ATXN1: variants seen among roughly 807,000 people sequenced by gnomAD.
ATXN1 encodes the protein ataxin 1, also known as ataxin-1.
Under a neutral mutation model 56.4 loss-of-function variants are expected in ATXN1, and 8 were observed. The ratio of observed to expected loss-of-function variants is 0.14; its 90% CI spans 0.08 to 0.26. The LOEUF is 0.26. ATXN1 is among the 10% of genes least tolerant of loss of function. ATXN1 has a pLI of 1.00. For synonymous variants in ATXN1, 514 were observed against 494.6 expected, an observed-to-expected ratio of 1.04 and a Z score of -0.52; for missense variants, 987 against 1,106.5, an observed-to-expected ratio of 0.89 and a Z score of 1.53.
intron 4 of ATXN1, among the ~76,000 whole-genome samples, chr6:16,580,424 C>T (rs1039738247): frequency 1.3e-5 from 2 of 152,100 alleles, no homozygotes; most frequent in African/African-American, 4.8e-5. Flanking sequence ...GAGTTTTGCC[C>T]GCACTTTGAG....
At chr6:16,586,486 A>G (rs1012098981) in intron 3 of ATXN1, among the ~76,000 whole-genome samples, 1 of 152,152 alleles carries the variant, frequency 6.6e-6, no homozygotes, top group Non-Finnish European at 1.5e-5. Flanking sequence ...AACATTTACT[A>G]TGTTCTGGGC....
chr6:16,365,110 G>A (rs991802081), intron 6 of ATXN1, among the ~76,000 whole-genome samples: 3 of 152,080 alleles, frequency 2.0e-5, no homozygotes, highest in African/African-American at 7.2e-5. Context: ...TGCACAATGT[G>A]CACGTTTGTT....
intron 4 of ATXN1, among the ~76,000 whole-genome samples, chr6:16,556,901 GA>G (rs1324010051): frequency 2.6e-5 from 4 of 152,096 alleles, no homozygotes; most frequent in African/African-American, 9.7e-5. Context: ...TAGGGTAACT[GA>G]AACAAAAGAA....
chr6:16,671,213 T>C (rs1428074695), intron 2 of ATXN1, among the ~76,000 whole-genome samples: 8 of 152,168 alleles, frequency 5.3e-5, no homozygotes, highest in Admixed American at 2.6e-4. Flanking sequence ...CCAGGTAGTT[T>C]GTAATAAGAA....
chr6:16,402,242 GTTTTTTTTTTTTTTTTTT>G lies in ATXN1; in HGVS notation c.-160-73790_-160-73773del, dbSNP rs58048762. ...CAAGACTTCTCGCCAACCACTGACA[GTTTTTTTTTTTTTTTTTT>G]TTTTTTTTTTTTTTTTTTTTGCTTC... On this transcript the variant is annotated intron_variant, in intron 6 of 7. Coordinates refer to ENST00000436367, the MANE Select transcript of ATXN1 (RefSeq NM_001128164.2). 8.4e-4 allele frequency among the ~76,000 whole-genome samples: 52 copies of G among 62,108 alleles called. 1 individual carries two copies. Among genetic ancestry groups the G allele is most frequent in the African/African-American group, 2.4e-3 (36 of 15,000 alleles). 40.7% of individuals were successfully genotyped at this position (62,108 alleles called of 152,430 possible). A position where few individuals can be genotyped will look rare whatever the true frequency, so the allele number is the denominator to read the frequency against.
At chr6:16,711,779 G>C (rs978635792) in intron 2 of ATXN1, among the ~76,000 whole-genome samples, 1 of 151,854 alleles carries the variant, frequency 6.6e-6, no homozygotes, top group African/African-American at 2.4e-5. Flanking sequence ...CACTGCTGCC[G>C]CCTAGTTTTT....
chr6:16,667,735 C>T (rs1039927956), intron 2 of ATXN1, among the ~76,000 whole-genome samples: 3 of 152,226 alleles, frequency 2.0e-5, no homozygotes, highest in Non-Finnish European at 4.4e-5. Context: ...GCTTTCTAAA[C>T]GCTTAACTCC....
chr6:16,460,328 G>A (rs575874083), intron 6 of ATXN1, among the ~76,000 whole-genome samples: 1 of 152,154 alleles, frequency 6.6e-6, no homozygotes, highest in Non-Finnish European at 1.5e-5. Flanking sequence ...CCCACAACCA[G>A]TAAGGAAGGA....
At chr6:16,642,395 AAAAC>A (rs144904405) in intron 3 of ATXN1, among the ~76,000 whole-genome samples, 15 of 152,306 alleles carry the variant, frequency 9.8e-5, no homozygotes, top group Non-Finnish European at 1.3e-4. Context: ...ACTCCGTCTC[AAAAC>A]AAACAAACAA....
chr6:16,756,412 A>G (rs1248220969), intron 1 of ATXN1, among the ~76,000 whole-genome samples: 1 of 152,182 alleles, frequency 6.6e-6, no homozygotes, highest in East Asian at 1.9e-4. Context: ...TTATCTTAGA[A>G]AAGGAAGTTC....
At position 16,327,291 on chromosome 6, in the gene ATXN1, G is replaced by A. The variant is rs149578359; in HGVS notation, c.1020C>T (p.Ala340=). The change falls in exon 7 of 8, where the codon GCC becomes GCT. Residue 340 remains alanine, a synonymous_variant. Transcript: ENST00000436367. ...KSRRYGAPSS[A]DLGLGKAGGK... ...CGCCTGCCTTGCCCAGGCCCAGGTC[G>A]GCTGAGGACGGGGCCCCGTACCGCC... is the stretch of plus-strand genomic sequence containing the variant. 42 of 1,613,096 alleles carry A rather than the reference G, an allele frequency of 2.6e-5. No individual in the cohort carries two copies. Among genetic ancestry groups the A allele is most frequent in the Non-Finnish European group, 3.2e-5 (38 of 1,179,922 alleles).
At chr6:16,311,477 G>T (rs1037419370) in intron 7 of ATXN1, among the ~76,000 whole-genome samples, 1 of 152,184 alleles carries the variant, frequency 6.6e-6, no homozygotes, top group Non-Finnish European at 1.5e-5. Flanking sequence ...ATGAGCTCAT[G>T]GGCTTGTTCC....
intron 6 of ATXN1, among the ~76,000 whole-genome samples, chr6:16,356,703 G>A (rs1761694720): frequency 1.3e-5 from 2 of 152,118 alleles, no homozygotes; most frequent in African/African-American, 2.4e-5. Context: ...TATAACTTAT[G>A]CAGACCACCC....
intron 6 of ATXN1, among the ~76,000 whole-genome samples, chr6:16,449,841 CACA>C (rs1759718597): frequency 1.3e-5 from 2 of 152,200 alleles, no homozygotes; most frequent in South Asian, 4.2e-4. Flanking sequence ...CTCAATACTG[CACA>C]ACAACATAAA....
In ATXN1 at chr6:16,535,879, G is replaced by A. The variant is rs912367356; in HGVS notation, c.-360-13191C>T. ...AAAGTGACAATCTGCCAATTTTAAGGAGTACAGACTAATCATTTTGTGGAC... is the reference window on the plus strand; with the variant it reads ...AAAGTGACAATCTGCCAATTTTAAGAAGTACAGACTAATCATTTTGTGGAC... On this transcript the variant is annotated intron_variant, in intron 4 of 7. Coordinates refer to ENST00000436367, the MANE Select transcript of ATXN1 (RefSeq NM_001128164.2). 2.6e-5 allele frequency among the ~76,000 whole-genome samples: 4 copies of A among 152,152 alleles called. No individual in the cohort carries two copies. In the East Asian group the frequency reaches 7.7e-4, roughly 29 times the overall value.
intron 2 of ATXN1, among the ~76,000 whole-genome samples, chr6:16,690,855 A>G (rs1165340560): frequency 6.6e-6 from 1 of 152,134 alleles, no homozygotes; most frequent in East Asian, 1.9e-4. Context: ...CCCCTTCATA[A>G]AGCACGATGA....
chr6:16,659,254 A>G (rs182074774), intron 2 of ATXN1, among the ~76,000 whole-genome samples: 9 of 152,192 alleles, frequency 5.9e-5, no homozygotes, highest in African/African-American at 2.2e-4. Context: ...TGGGGTTGTA[A>G]GGATTTTATT....
intron 6 of ATXN1, among the ~76,000 whole-genome samples, chr6:16,462,070 C>T (rs895011510): frequency 1.3e-5 from 2 of 152,176 alleles, no homozygotes; most frequent in African/African-American, 2.4e-5. Context: ...ACGTTAAAAA[C>T]CTACCCAAAG....
intron 6 of ATXN1, among the ~76,000 whole-genome samples, chr6:16,380,491 T>TTA: frequency 6.6e-6 from 1 of 151,746 alleles, no homozygotes; most frequent in African/African-American, 2.4e-5. Context: ...TTTTTTTTTT[T>TTA]AAAAGCCTTC....
Sources: allele counts gnomAD v4.1 joint callset (sites outside exome capture counted in the v4.1 genomes callset), GRCh38; gene constraint gnomAD v4.1.1; transcripts MANE v1.5; gene names NCBI Gene and HGNC (gene_info 2026-07-23, HGNC 2026-07-21).